Variants in PAPPA2 observed in about 807,000 individuals in gnomAD.
The protein encoded by PAPPA2 is pappalysin-2.
In PAPPA2, 86 loss-of-function variants were observed where a neutral mutation model predicts 176.4. The ratio of observed to expected loss-of-function variants is 0.49; its 90% CI spans 0.41 to 0.58. The LOEUF is 0.58. Ranked by LOEUF, PAPPA2 falls within the 20% of genes least tolerant of loss-of-function variation. The pLI is 0.00. For synonymous variants in PAPPA2, 809 were observed against 852.2 expected (o/e 0.95, Z 0.88); for missense variants, 2,073 against 2,256.9 (o/e 0.92, Z 1.65).
chr1:176,596,878 G>A (rs1654015286), intron 3 of PAPPA2, among the ~76,000 whole-genome samples: 1 of 152,234 alleles, frequency 6.6e-6, no homozygotes, highest in Non-Finnish European at 1.5e-5. Context: ...ATATGTGTAT[G>A]TGGACAAGGT....
intron 14 of PAPPA2, among the ~76,000 whole-genome samples, chr1:176,743,661 C>G (rs1168815215): frequency 1.3e-5 from 2 of 152,152 alleles, no homozygotes; most frequent in African/African-American, 4.8e-5. Context: ...ATAACCCAGA[C>G]ACCAATATGT....
intron 21 of PAPPA2, among the ~76,000 whole-genome samples, chr1:176,838,824 C>A (rs976039901): frequency 6.6e-6 from 1 of 152,204 alleles, no homozygotes; most frequent in Non-Finnish European, 1.5e-5. Context: ...CTGTTGAGTT[C>A]CACCCCACAA....
At chr1:176,464,518 T>C (rs1651524177) in intron 1 of PAPPA2, among the ~76,000 whole-genome samples, 1 of 152,136 alleles carries the variant, frequency 6.6e-6, no homozygotes, top group South Asian at 2.1e-4. Flanking sequence ...AAACAAGAAG[T>C]TCTGAATTTT....
chr1:176,658,156 C>T (rs1450172639), intron 3 of PAPPA2, among the ~76,000 whole-genome samples: 2 of 151,918 alleles, frequency 1.3e-5, no homozygotes, highest in African/African-American at 2.4e-5. Flanking sequence ...TCAATTAATG[C>T]CACAGTGGTG....
intron 3 of PAPPA2, among the ~76,000 whole-genome samples, chr1:176,659,585 A>C (rs1351419741): frequency 2.0e-5 from 3 of 152,152 alleles, no homozygotes; most frequent in Non-Finnish European, 4.4e-5. Context: ...CATTTAACTC[A>C]TAACAATAGC....
intron 2 of PAPPA2, among the ~76,000 whole-genome samples, chr1:176,576,044 A>T (rs1027590929): frequency 2.0e-5 from 3 of 152,180 alleles, no homozygotes; most frequent in Non-Finnish European, 2.9e-5. Context: ...TAATGCTGTC[A>T]TGAACATCCA....
chr1:176,743,171 T>C (rs1357175041), intron 14 of PAPPA2, among the ~76,000 whole-genome samples: 1 of 152,144 alleles, frequency 6.6e-6, no homozygotes, highest in Admixed American at 6.6e-5. Context: ...TGATTACAAA[T>C]GTACTGGGGT....
At chr1:176,514,443 A>G (rs902749627) in intron 1 of PAPPA2, among the ~76,000 whole-genome samples, 7 of 152,128 alleles carry the variant, frequency 4.6e-5, no homozygotes, top group South Asian at 2.1e-4. Context: ...TCAAATTTCA[A>G]CGTGGATTTG....
intron 14 of PAPPA2, among the ~76,000 whole-genome samples, chr1:176,747,654 T>C (rs925319727): frequency 1.3e-5 from 2 of 152,230 alleles, no homozygotes; most frequent in Non-Finnish European, 2.9e-5. Context: ...TTTTCTAATG[T>C]TGTATAATAA....
chr1:176,513,203 T>G (rs1342412995), intron 1 of PAPPA2, among the ~76,000 whole-genome samples: 1 of 151,960 alleles, frequency 6.6e-6, no homozygotes, highest in Non-Finnish European at 1.5e-5. Flanking sequence ...TCACCATCTA[T>G]ATCTTCTACT....
rs771645599 is a variant in PAPPA2 at position 176,793,594 on chromosome 1, C to A, written c.5055C>A (p.Pro1685=). 2 of 1,613,072 alleles carry A rather than the reference C, an allele frequency of 1.2e-6. No homozygotes were observed. Among genetic ancestry groups the A allele is most frequent in the African/African-American group, 1.3e-5 (1 of 74,850 alleles). ...AVCSPLCVIP[P]SDPVMLPENI... Reference sequence around the variant, plus strand: ...GTTCCCCATTGTGTGTAATCCCCCCCAGTGACCCCGTGATGCTACCTGAGA... The same window carrying A: ...GTTCCCCATTGTGTGTAATCCCCCCAAGTGACCCCGTGATGCTACCTGAGA... The change falls in exon 20 of 23, where the codon CCC becomes CCA. Residue 1685 remains proline (P), a synonymous_variant. Coordinates refer to ENST00000367662, the MANE Select transcript of PAPPA2 (RefSeq NM_020318.3).
chr1:176,776,373 C>T (rs1664457589), intron 17 of PAPPA2, among the ~76,000 whole-genome samples: 1 of 152,154 alleles, frequency 6.6e-6, no homozygotes, highest in African/African-American at 2.4e-5. Flanking sequence ...GCTATAGTGT[C>T]AGATCTTCTT....
intron 1 of PAPPA2, among the ~76,000 whole-genome samples, chr1:176,530,976 A>G (rs921533199): frequency 5.9e-5 from 9 of 152,204 alleles, no homozygotes; most frequent in African/African-American, 1.7e-4. Context: ...TTCTATGACC[A>G]CATGAAAGTC....
intron 4 of PAPPA2, among the ~76,000 whole-genome samples, chr1:176,685,560 A>G (rs1274483861): frequency 6.6e-6 from 1 of 152,224 alleles, no homozygotes; most frequent in Non-Finnish European, 1.5e-5. Context: ...ATATTAATAT[A>G]AAATGGTAAT....
chr1:176,788,079 A>G (rs867310261), intron 17 of PAPPA2, among the ~76,000 whole-genome samples: 5 of 151,490 alleles, frequency 3.3e-5, no homozygotes, highest in African/African-American at 9.7e-5. Context: ...AAAGAAAAAG[A>G]AAAAAAAAGA....
chr1:176,678,949 A>G (rs1659446762), intron 4 of PAPPA2, among the ~76,000 whole-genome samples: 1 of 152,154 alleles, frequency 6.6e-6, no homozygotes, highest in South Asian at 2.1e-4. Flanking sequence ...TGAAGAAGAG[A>G]ATTGTGAGCA....
chr1:176,719,672 C>T lies in PAPPA2; in HGVS notation c.3798+7691C>T, dbSNP rs1028550178. On this transcript the variant is annotated intron_variant, in intron 12 of 22. Coordinates refer to ENST00000367662, the MANE Select transcript of PAPPA2 (RefSeq NM_020318.3). Reference sequence around the variant, plus strand: ...TTCTCTGGCTGTGTTCCCAGAGTCTCTTGAATGGCAGTAGAGTCAACATTC... The same window carrying T: ...TTCTCTGGCTGTGTTCCCAGAGTCTTTTGAATGGCAGTAGAGTCAACATTC... 4.6e-5 allele frequency among the ~76,000 whole-genome samples: 7 copies of T among 152,264 alleles called. No individual in the cohort carries two copies. In the South Asian group the frequency reaches 1.4e-3, roughly 32 times the overall value.
intron 4 of PAPPA2, among the ~76,000 whole-genome samples, chr1:176,684,095 G>T (rs1446569770): frequency 6.6e-6 from 1 of 152,140 alleles, no homozygotes; most frequent in Non-Finnish European, 1.5e-5. Flanking sequence ...GACCCAGGTG[G>T]CAGAGGCTTA....
chr1:176,695,884 T>G (rs1256501887), intron 7 of PAPPA2, 25 bp downstream of exon 7: 3 of 1,611,598 alleles, frequency 1.9e-6, no homozygotes, highest in Non-Finnish European at 2.5e-6. Flanking sequence ...CATTTTTTCT[T>G]TATACCCTGG....
Sources: gnomAD v4.1 joint callset for allele counts (sites outside exome capture counted in the v4.1 genomes callset) on GRCh38, gnomAD v4.1.1 for gene constraint, MANE v1.5 for transcripts, NCBI Gene and HGNC (gene_info 2026-07-23, HGNC 2026-07-21) for gene names.